The following RPTOR variants were observed in gnomAD, a reference collection of about 807,000 sequenced individuals.
RPTOR encodes regulatory-associated protein of mTOR.
A neutral mutation model predicts 169.9 loss-of-function variants in RPTOR; 21 were observed. The observed-to-expected ratio is 0.12, with a 90% confidence interval of 0.09 to 0.18. The LOEUF (loss-of-function observed/expected upper bound fraction) is 0.18, where lower values mean the gene tolerates loss of function less well. Ranked by LOEUF, RPTOR falls within the 10% of genes least tolerant of loss-of-function variation. The pLI is 1.00. For missense variants in RPTOR, 1,133 were observed against 1,855.9 expected, an observed-to-expected ratio of 0.61 and a Z score of 7.16; for synonymous variants, 732 against 753.2, an observed-to-expected ratio of 0.97 and a Z score of 0.46.
intron 28 of RPTOR, among the ~76,000 whole-genome samples, chr17:80,951,695 A>T (rs1298653378): frequency 2.6e-5 from 4 of 152,182 alleles, no homozygotes; most frequent in Non-Finnish European, 5.9e-5. Context: ...TCTGAACTGA[A>T]AAAGGACTTA....
chr17:80,733,560 T>TC (rs1156492326), intron 5 of RPTOR, among the ~76,000 whole-genome samples: 1 of 152,222 alleles, frequency 6.6e-6, no homozygotes, highest in Non-Finnish European at 1.5e-5. Flanking sequence ...GACCACTGCT[T>TC]CTTGATTTGT....
chr17:80,774,370 G>T lies in RPTOR; in HGVS notation c.831-17080G>T, dbSNP rs569004198. ...ATTGTATCATATTTCACAATCCACA[G>T]AGTATTCTCCCTTATGGTGTCACAT... On this transcript the variant is annotated intron_variant, in intron 6 of 33. Coordinates refer to ENST00000306801, the MANE Select transcript of RPTOR (RefSeq NM_020761.3). 3 of 984,140 alleles carry T rather than the reference G, an allele frequency of 3.0e-6. No individual in the cohort carries two copies. In the African/African-American group the frequency reaches 5.2e-5, roughly 17 times the overall value. The allele number at this position is 984,140 out of a possible 1,614,324, so 61.0% of individuals were successfully genotyped here.
chr17:80,774,994 G>A (rs1449391095), intron 6 of RPTOR, among the ~76,000 whole-genome samples: 1 of 152,134 alleles, frequency 6.6e-6, no homozygotes, highest in Non-Finnish European at 1.5e-5. Context: ...TTCCTCCCTC[G>A]GGCTCCTGGG....
chr17:80,606,947 T>C (rs999552014), intron 1 of RPTOR, among the ~76,000 whole-genome samples: 5 of 152,366 alleles, frequency 3.3e-5, no homozygotes, highest in Admixed American at 6.5e-5. Context: ...TAGAGGGAGC[T>C]ACTCAGGTTA....
At chr17:80,722,181 GTCA>G (rs997458004) in intron 4 of RPTOR, among the ~76,000 whole-genome samples, 4 of 150,660 alleles carry the variant, frequency 2.7e-5, no homozygotes, top group South Asian at 4.2e-4. Context: ...GCAAAGTGCC[GTCA>G]TCATCATCAT....
At chr17:80,594,156 C>CCT (rs2065127611) in intron 1 of RPTOR, among the ~76,000 whole-genome samples, 2 of 152,028 alleles carry the variant, frequency 1.3e-5, no homozygotes, top group African/African-American at 4.8e-5. Flanking sequence ...TGCAGTGGTG[C>CCT]GATCTCGGCT....
chr17:80,589,187 G>T (rs2065085245), intron 1 of RPTOR, among the ~76,000 whole-genome samples: 1 of 152,182 alleles, frequency 6.6e-6, no homozygotes, highest in South Asian at 2.1e-4. Context: ...GTTTTGCTCT[G>T]TTGCATATGA....
At chr17:80,732,379 C>A (rs2066400107) in intron 5 of RPTOR, among the ~76,000 whole-genome samples, 1 of 152,116 alleles carries the variant, frequency 6.6e-6, no homozygotes, top group South Asian at 2.1e-4. Context: ...TGCTTGCATT[C>A]CAGCGCTTTG....
intron 10 of RPTOR, among the ~76,000 whole-genome samples, chr17:80,841,125 A>T (rs866403597): frequency 1.1e-3 from 28 of 26,320 alleles, no homozygotes; most frequent in Admixed American, 1.6e-3. Flanking sequence ...CGCAGCTCAC[A>T]CTCACCGCAC....
chr17:80,848,738 T>A (rs1022287162), intron 11 of RPTOR, among the ~76,000 whole-genome samples: 1 of 152,238 alleles, frequency 6.6e-6, no homozygotes, highest in African/African-American at 2.4e-5. Context: ...ATCGGCCCTC[T>A]CCAAAGCAGG....
At chr17:80,776,811 C>T (rs1175756176) in intron 6 of RPTOR, among the ~76,000 whole-genome samples, 1 of 152,186 alleles carries the variant, frequency 6.6e-6, no homozygotes, top group Non-Finnish European at 1.5e-5. Flanking sequence ...TATTACAAGG[C>T]CAGAGACAGA....
chr17:80,843,799 G>C (rs757850458), intron 10 of RPTOR, among the ~76,000 whole-genome samples: 1 of 152,304 alleles, frequency 6.6e-6, no homozygotes, highest in South Asian at 2.1e-4. Context: ...CCAGCCGGAC[G>C]GGCTCCACTT....
chr17:80,872,901 C>G (rs1343782017), intron 13 of RPTOR, among the ~76,000 whole-genome samples: 2 of 152,158 alleles, frequency 1.3e-5, no homozygotes, highest in Non-Finnish European at 2.9e-5. Flanking sequence ...TGCTTGGAAC[C>G]TGATCAAATC....
Position 80,918,398 on chromosome 17 carries a change from CCCACGAGCACCCTCGCGGGGGTCATAG to C in RPTOR, c.2521-4309_2521-4283del, listed in dbSNP as rs534084044. ...CTGTGCAGCTGCAGGCAGCGGCTGC[CCCACGAGCACCCTCGCGGGGGTCATAG>C]CCACGAGCACCCTCGCCGGAGTCAT... On this transcript the variant is annotated intron_variant, in intron 21 of 33. Coordinates refer to ENST00000306801, the MANE Select transcript of RPTOR (RefSeq NM_020761.3). Among the ~76,000 whole-genome samples, 52 of 142,414 alleles carry C rather than the reference CCCACGAGCACCCTCGCGGGGGTCATAG, an allele frequency of 3.7e-4. 2 individuals are homozygous for C. Among genetic ancestry groups the C allele is most frequent in the African/African-American group, 1.3e-3 (48 of 37,228 alleles). 93.4% of individuals were successfully genotyped at this position (142,414 alleles called of 152,430 possible). A position where few individuals can be genotyped will look rare whatever the true frequency, so the allele number is the denominator to read the frequency against.
At chr17:80,546,706 A>G (rs974648725) in intron 1 of RPTOR, among the ~76,000 whole-genome samples, 2 of 152,164 alleles carry the variant, frequency 1.3e-5, no homozygotes, top group Non-Finnish European at 2.9e-5. Flanking sequence ...AGGCTTATGT[A>G]TATGTTTATG....
intron 6 of RPTOR, among the ~76,000 whole-genome samples, chr17:80,785,391 G>C (rs1163819405): frequency 6.6e-6 from 1 of 152,246 alleles, no homozygotes; most frequent in African/African-American, 2.4e-5. Flanking sequence ...CATACAGGCA[G>C]ACCAGGTGGT....
chr17:80,671,049 G>A (rs879749226), intron 3 of RPTOR, among the ~76,000 whole-genome samples: 3 of 152,186 alleles, frequency 2.0e-5, no homozygotes, highest in Non-Finnish European at 4.4e-5. Flanking sequence ...GTGGGCCCTG[G>A]AGCGTGGCCC....
chr17:80,807,969 C>G (rs1036233594), intron 7 of RPTOR, among the ~76,000 whole-genome samples: 2 of 152,098 alleles, frequency 1.3e-5, no homozygotes, highest in Admixed American at 6.5e-5. Context: ...TTTTGGTGAC[C>G]TGCTTTAGAA....
intron 9 of RPTOR, among the ~76,000 whole-genome samples, chr17:80,825,377 G>T (rs1048856815): frequency 6.6e-6 from 1 of 152,284 alleles, no homozygotes; most frequent in African/African-American, 2.4e-5. Context: ...GCACAGGGCA[G>T]CCACATCCCA....
Sources: allele counts gnomAD v4.1 joint callset (sites outside exome capture counted in the v4.1 genomes callset), GRCh38; gene constraint gnomAD v4.1.1; transcripts MANE v1.5; gene names NCBI Gene and HGNC (gene_info 2026-07-23, HGNC 2026-07-21).